The following NRXN3 variants were observed in gnomAD, a reference collection of about 807,000 sequenced individuals.
NRXN3 encodes neurexin 3.
A neutral mutation model predicts 137.6 loss-of-function variants in NRXN3; 32 were observed. The ratio of observed to expected loss-of-function variants is 0.23; its 90% CI spans 0.18 to 0.31. NRXN3 has a LOEUF of 0.31. Among genes scored for constraint, NRXN3 ranks in the 10% least tolerant of loss-of-function variants. NRXN3 has a pLI of 1.00. For missense variants in NRXN3, 1,574 were observed against 2,062.5 expected (o/e 0.76, Z 4.59); for synonymous variants, 798 against 784.5 (o/e 1.02, Z -0.29).
At chr14:78,770,081 T>C (rs1008738925) in intron 8 of NRXN3, among the ~76,000 whole-genome samples, 79 of 152,198 alleles carry the variant, frequency 5.2e-4, no homozygotes, top group African/African-American at 1.8e-3. Flanking sequence ...ACAGATTTAG[T>C]GACAACATTT....
intron 2 of NRXN3, among the ~76,000 whole-genome samples, chr14:78,275,855 A>G (rs1216237155): frequency 4.6e-5 from 7 of 152,146 alleles, no homozygotes; most frequent in African/African-American, 1.7e-4. Flanking sequence ...GGGATGCTGG[A>G]TAGACAGTCT....
intron 19 of NRXN3, among the ~76,000 whole-genome samples, chr14:79,783,000 A>G (rs143986845): frequency 6.6e-5 from 10 of 152,328 alleles, no homozygotes; most frequent in African/African-American, 2.4e-4. Flanking sequence ...GACCAAGGAG[A>G]TAAGGACATT....
At chr14:79,317,409 T>A (rs2089034144) in intron 15 of NRXN3, among the ~76,000 whole-genome samples, 1 of 152,208 alleles carries the variant, frequency 6.6e-6, no homozygotes, top group African/African-American at 2.4e-5. Flanking sequence ...TCACCTTTAG[T>A]GCCTGTGTGT....
chr14:79,237,519 G>A (rs1023156396), intron 15 of NRXN3, among the ~76,000 whole-genome samples: 2 of 152,126 alleles, frequency 1.3e-5, no homozygotes, highest in African/African-American at 2.4e-5. Context: ...TGGCTGCAGG[G>A]CTGGGTGGTC....
intron 8 of NRXN3, among the ~76,000 whole-genome samples, chr14:78,729,910 A>C (rs1452903710): frequency 6.6e-6 from 1 of 152,218 alleles, no homozygotes; most frequent in Non-Finnish European, 1.5e-5. Context: ...GAATGGGATT[A>C]TTTCTAAAGT....
At chr14:78,327,276 C>T (rs534418455) in intron 4 of NRXN3, among the ~76,000 whole-genome samples, 1 of 152,238 alleles carries the variant, frequency 6.6e-6, no homozygotes, top group South Asian at 2.1e-4. Flanking sequence ...TACTGTCAAC[C>T]TAAAGGTGAT....
At chr14:78,300,767 C>T (rs540444237) in intron 4 of NRXN3, 54 of 984,508 alleles carry the variant, frequency 5.5e-5, no homozygotes, top group South Asian at 4.1e-4. Context: ...AGAGGATTGT[C>T]GATTCTGAAT....
intron 14 of NRXN3, among the ~76,000 whole-genome samples, chr14:78,971,392 T>G (rs1053805314): frequency 1.3e-5 from 2 of 151,978 alleles, no homozygotes; most frequent in African/African-American, 4.8e-5. Flanking sequence ...CAAGATATGT[T>G]TTATTCTAGC....
At chr14:78,799,808 T>C (rs1342286857) in intron 8 of NRXN3, among the ~76,000 whole-genome samples, 1 of 152,126 alleles carries the variant, frequency 6.6e-6, no homozygotes, top group Admixed American at 6.5e-5. Flanking sequence ...AAAGGGGTTT[T>C]TCGTTATAAA....
chr14:78,682,117 C>T (rs12881112), intron 6 of NRXN3, among the ~76,000 whole-genome samples: 20,949 of 152,018 alleles, frequency 0.14, 1,692 homozygotes, highest in African/African-American at 0.21. Context: ...CCACCTGCCT[C>T]GGCCTCCCAA....
intron 15 of NRXN3, among the ~76,000 whole-genome samples, chr14:79,431,666 G>A (rs1263172668): frequency 6.6e-6 from 1 of 151,982 alleles, no homozygotes; most frequent in Admixed American, 6.6e-5. Flanking sequence ...CAAGTACCAG[G>A]TATAGGAGTT....
At chr14:78,917,589 C>T (rs1487834818) in intron 10 of NRXN3, among the ~76,000 whole-genome samples, 2 of 152,170 alleles carry the variant, frequency 1.3e-5, no homozygotes, top group Non-Finnish European at 2.9e-5. Flanking sequence ...TAAACAGAGT[C>T]TGTGTGTAAC....
intron 10 of NRXN3, among the ~76,000 whole-genome samples, chr14:78,932,717 C>T (rs918506768): frequency 2.0e-5 from 3 of 152,160 alleles, no homozygotes; most frequent in Non-Finnish European, 4.4e-5. Context: ...GCATAGAATG[C>T]ATGCCATTAA....
At chr14:78,269,369 TTATA>T (rs2072334460) in intron 2 of NRXN3, among the ~76,000 whole-genome samples, 1 of 152,166 alleles carries the variant, frequency 6.6e-6, no homozygotes, top group Non-Finnish European at 1.5e-5. Context: ...GTGATTCCAC[TTATA>T]TGGGGTACCT....
At chr14:78,636,124 G>C (rs1027988744) in intron 4 of NRXN3, among the ~76,000 whole-genome samples, 4 of 152,168 alleles carry the variant, frequency 2.6e-5, no homozygotes, top group African/African-American at 9.7e-5. Flanking sequence ...TTTCTGAACT[G>C]ATTGTGTAAT....
chr14:79,445,055 C>T (rs577813027), intron 15 of NRXN3, among the ~76,000 whole-genome samples: 1 of 152,116 alleles, frequency 6.6e-6, no homozygotes, highest in South Asian at 2.1e-4. Flanking sequence ...AACATGTATT[C>T]ACTCAGCTGG....
chr14:78,669,090 C>A (rs1396366449), intron 6 of NRXN3, among the ~76,000 whole-genome samples: 1 of 151,696 alleles, frequency 6.6e-6, no homozygotes, highest in Non-Finnish European at 1.5e-5. Flanking sequence ...GAGATGGTCT[C>A]CTGAAAGAGA....
intron 10 of NRXN3, among the ~76,000 whole-genome samples, chr14:78,845,940 G>A (rs1596443777): frequency 6.9e-6 from 1 of 145,788 alleles, no homozygotes; most frequent in Non-Finnish European, 1.5e-5. Flanking sequence ...GTGTGTGTAT[G>A]TGTGTGTATA....
At chr14:78,718,409 T>TC (rs1349553974) in intron 8 of NRXN3, among the ~76,000 whole-genome samples, 1 of 152,078 alleles carries the variant, frequency 6.6e-6, no homozygotes, top group African/African-American at 2.4e-5. Flanking sequence ...ATGGCCCAGG[T>TC]CAGACACTAG....
Sources: gnomAD v4.1 joint callset for allele counts (sites outside exome capture counted in the v4.1 genomes callset) on GRCh38, gnomAD v4.1.1 for gene constraint, MANE v1.5 for transcripts, NCBI Gene and HGNC (gene_info 2026-07-23, HGNC 2026-07-21) for gene names.